DNM2: variants seen among roughly 807,000 people sequenced by gnomAD.
DNM2 encodes dynamin-2.
DNM2 carries 15 observed loss-of-function variants against 99.0 expected under a neutral mutation model. The observed-to-expected ratio is 0.15, with a 90% CI of 0.10 to 0.23. The LOEUF (loss-of-function observed/expected upper bound fraction) is 0.23. Ranked by LOEUF, DNM2 falls within the 10% of genes least tolerant of loss-of-function variation. The probability of loss-of-function intolerance (pLI) is 1.00; values close to 1 mark genes in which losing one functional copy is unlikely to be tolerated. For synonymous variants in DNM2, 525 were observed against 481.2 expected, an observed-to-expected ratio of 1.09 and a Z score of -1.19; for missense variants, 742 against 1,189.4, an observed-to-expected ratio of 0.62 and a Z score of 5.53.
intron 1 of DNM2, among the ~76,000 whole-genome samples, chr19:10,726,960 A>T (rs1187117902): frequency 6.6e-6 from 1 of 152,232 alleles, no homozygotes; most frequent in Non-Finnish European, 1.5e-5. Flanking sequence ...GGGATCTAGA[A>T]GAATCTTTAA....
In DNM2 at chr19:10,819,961, C is replaced by T; in HGVS notation, c.1672-19C>T. ...GTCACGTGGACCGCTCAGGGTGACT[C>T]TTTTCCCTCCACCCTCAGGAGAAAG... On this transcript the variant is annotated intron_variant, in intron 15 of 20. Coordinates refer to ENST00000389253, the MANE Select transcript of DNM2 (RefSeq NM_001005361.3). 1 of 1,613,068 alleles carries T rather than the reference C, an allele frequency of 6.2e-7. No homozygotes were observed. The highest frequency in any genetic ancestry group is 1.7e-4 in the Middle Eastern group (1 of 6,060).
At position 10,718,210 on chromosome 19, in the gene DNM2, C is replaced by A; in HGVS notation, c.-33C>A. The A allele has an allele frequency of 6.9e-7, 1 of 1,443,544 alleles. No individual in the cohort carries two copies. The highest frequency in any genetic ancestry group is 9.1e-7 in the Non-Finnish European group (1 of 1,095,078). The allele number at this position is 1,443,544 out of a possible 1,614,324, so 89.4% of individuals were successfully genotyped here. A position where few individuals can be genotyped will look rare whatever the true frequency, so the allele number is the denominator to read the frequency against. On this transcript the variant is annotated 5_prime_UTR_variant, in exon 1 of 21. Transcript: ENST00000389253. ...TTGAGGGTCGGCGGCGGGCGAGGAG[C>A]GCAGGGCGCTCGGGCCGGGGGCCGC...
chr19:10,824,920 C>A, intron 17 of DNM2, 137 bp from the exon 18 acceptor site: 3 of 1,402,054 alleles, frequency 2.1e-6, no homozygotes, highest in Non-Finnish European at 2.0e-6. Context: ...GCAAGCAGGC[C>A]TATCTGGTGC....
intron 16 of DNM2, chr19:10,823,159 CT>C (rs1194698137): frequency 1.3e-5 from 2 of 151,974 alleles, no homozygotes; most frequent in African/African-American, 4.8e-5. Flanking sequence ...AATCTCAGAA[CT>C]TTGGGAAGCC....
intron 1 of DNM2, among the ~76,000 whole-genome samples, chr19:10,744,429 A>G (rs774643837): frequency 6.6e-5 from 10 of 152,120 alleles, no homozygotes; most frequent in South Asian, 6.2e-4. Flanking sequence ...GTCTGCCTGG[A>G]TATTTCCTTA....
rs143505458 is a variant in DNM2 at position 10,830,612 on chromosome 19, A to G, written c.2543+234A>G. ...GGGGCTCCCAGCTTGCCCTCTGCCT[A>G]CTGGGGTGTGCCACCAGGCAGCTGG... On this transcript the variant is annotated intron_variant, in intron 20 of 20. Coordinates refer to ENST00000389253, the MANE Select transcript of DNM2 (RefSeq NM_001005361.3). The surrounding 1 kb of genome is among the most constrained non-coding windows in gnomAD (Gnocchi z 4.8). 1.6e-3 allele frequency: 977 copies of G among 612,656 alleles called. 3 individuals carry two copies. Among genetic ancestry groups the G allele is most frequent in the Non-Finnish European group, 2.3e-3 (828 of 353,032 alleles). The allele number at this position is 612,656 out of a possible 1,614,324, so 38.0% of individuals were successfully genotyped here. A position where few individuals can be genotyped will look rare whatever the true frequency, so the allele number is the denominator to read the frequency against.
At chr19:10,778,970 C>T (rs1458752646) in intron 5 of DNM2, among the ~76,000 whole-genome samples, 2 of 152,032 alleles carry the variant, frequency 1.3e-5, no homozygotes, top group Non-Finnish European at 2.9e-5. Flanking sequence ...AATCCCAGCA[C>T]TTTGGGAGGC....
intron 17 of DNM2, chr19:10,824,806 C>CA (rs928040645): frequency 2.1e-3 from 1,109 of 523,560 alleles, no homozygotes; most frequent in Middle Eastern, 4.2e-3. Context: ...AAGACTGTGT[C>CA]AAAAAAAAAC....
chr19:10,746,289 G>A (rs1437215736), intron 1 of DNM2, among the ~76,000 whole-genome samples: 1 of 151,774 alleles, frequency 6.6e-6, no homozygotes, highest in Non-Finnish European at 1.5e-5. Flanking sequence ...CACCAATGTG[G>A]CTGGAGGCAG....
chr19:10,731,293 G>C (rs970241922), intron 1 of DNM2, among the ~76,000 whole-genome samples: 1 of 151,956 alleles, frequency 6.6e-6, no homozygotes, highest in Non-Finnish European at 1.5e-5. Context: ...AGCTGGCCGC[G>C]CAGCCAGGAT....
At chr19:10,756,951 C>G (rs2070408750) in intron 1 of DNM2, among the ~76,000 whole-genome samples, 1 of 152,160 alleles carries the variant, frequency 6.6e-6, no homozygotes, top group Non-Finnish European at 1.5e-5. Flanking sequence ...CTCTGCCCTG[C>G]ATCAGCCAGA....
intron 1 of DNM2, among the ~76,000 whole-genome samples, chr19:10,725,032 G>A (rs918870553): frequency 2.0e-5 from 3 of 152,232 alleles, no homozygotes; most frequent in Non-Finnish European, 2.9e-5. Context: ...GGAGGGGCAC[G>A]TGATGTGTTC....
intron 2 of DNM2, among the ~76,000 whole-genome samples, chr19:10,762,414 G>T (rs2070664061): frequency 6.6e-6 from 1 of 152,168 alleles, no homozygotes. Flanking sequence ...TGCCCTGCTT[G>T]GTTTAGGCTT....
rs757065428 is a variant in DNM2, at chr19:10,799,088, G to A, written c.1422+516G>A. ...GAAAACATAAAAAAATTAGCCAGGC[G>A]TGGTGGCGCATGCCTGTGGTCCCAG... is the stretch of plus-strand genomic sequence containing the variant. On this transcript the variant is annotated intron_variant, in intron 11 of 20. Transcript: ENST00000389253. Among the ~76,000 whole-genome samples, 14 of 152,310 alleles carry A rather than the reference G, an allele frequency of 9.2e-5. No individual in the cohort carries two copies. In the East Asian group the frequency reaches 9.6e-4, roughly 10 times the overall value.
chr19:10,768,656 T>C (rs1243369454), intron 2 of DNM2: 1 of 152,412 alleles, frequency 6.6e-6, no homozygotes, highest in Non-Finnish European at 1.5e-5. Context: ...TGGGCCCGTT[T>C]CCTGGTCCTT....
At chr19:10,782,698 A>G (rs534672959) in intron 5 of DNM2, among the ~76,000 whole-genome samples, 1 of 152,046 alleles carries the variant, frequency 6.6e-6, no homozygotes, top group Non-Finnish European at 1.5e-5. Context: ...CAGCTTGTAG[A>G]TTTCATCTGC....
Position 10,818,200 on chromosome 19 carries a change from GCCA to G in DNM2, c.1672-1777_1672-1775del, listed in dbSNP as rs2072835636. On this transcript the variant is annotated intron_variant, in intron 15 of 20. Transcript: ENST00000389253. The surrounding 1 kb of genome is among the most constrained non-coding windows in gnomAD (Gnocchi z 4.3). Reference sequence around the variant, plus strand: ...CCGCAGCGGCATCCCTCCCTCCATGGCCACCGGGCCCCTCTCCTATGCTCTGCT... The same window carrying G: ...CCGCAGCGGCATCCCTCCCTCCATGGCCGGGCCCCTCTCCTATGCTCTGCT... 8.8e-6 allele frequency among the ~76,000 whole-genome samples: 1 copy of G among 113,346 alleles called. No individual in the cohort carries two copies. Among genetic ancestry groups the G allele is most frequent in the South Asian group, 3.0e-4 (1 of 3,292 alleles). 74.4% of individuals were successfully genotyped at this position (113,346 alleles called of 152,430 possible).
intron 1 of DNM2, among the ~76,000 whole-genome samples, chr19:10,724,471 C>T (rs1480618771): frequency 1.3e-5 from 2 of 152,110 alleles, no homozygotes; most frequent in Non-Finnish European, 2.9e-5. Context: ...GCCACTGCGC[C>T]TGGCCAGAGG....
intron 1 of DNM2, among the ~76,000 whole-genome samples, chr19:10,739,989 T>G (rs575825656): frequency 6.6e-6 from 1 of 152,224 alleles, no homozygotes; most frequent in Admixed American, 6.5e-5. Flanking sequence ...TTCTGTGTCT[T>G]CTTGAGTCAG....
Sources: gnomAD v4.1 joint callset for allele counts (sites outside exome capture counted in the v4.1 genomes callset) on GRCh38, gnomAD v4.1.1 for gene constraint, Gnocchi (gnomAD v3.1) non-coding constraint, MANE v1.5 for transcripts, NCBI Gene and HGNC (gene_info 2026-07-23, HGNC 2026-07-21) for gene names.